Variants in MID2 observed in about 807,000 individuals in gnomAD.
The protein encoded by MID2 is probable E3 ubiquitin-protein ligase MID2.
Under a neutral mutation model 46.1 loss-of-function variants are expected in MID2, and 13 were observed. The observed-to-expected ratio is 0.28, with a 90% confidence interval of 0.18 to 0.45. MID2 has a LOEUF of 0.45. Among genes scored for constraint, MID2 ranks in the 20% least tolerant of loss-of-function variants. The pLI, the probability that MID2 is intolerant of heterozygous loss-of-function variation, is 1.00. For synonymous variants in MID2, 199 were observed against 212.3 expected, an observed-to-expected ratio of 0.94 and a Z score of 0.55; for missense variants, 431 against 575.4, an observed-to-expected ratio of 0.75 and a Z score of 2.57.
chrX:107,919,999 CA>C (rs1418014346), intron 7 of MID2, among the ~76,000 whole-genome samples: 1 of 112,312 alleles, frequency 8.9e-6, no homozygotes, highest in Non-Finnish European at 1.9e-5. Context: ...TGCTTACCCT[CA>C]CAGCCTGCCT....
chrX:107,853,188 G>A (rs7067117), intron 2 of MID2, among the ~76,000 whole-genome samples: 1,263 of 111,799 alleles, frequency 0.011, 19 homozygotes, highest in African/African-American at 0.039. Flanking sequence ...CTAGAATTCC[G>A]GCTACTGTTG....
At chrX:107,884,778 A>G (rs1000137205) in intron 3 of MID2, among the ~76,000 whole-genome samples, 13 of 112,224 alleles carry the variant, frequency 1.2e-4, no homozygotes, top group African/African-American at 4.2e-4. Context: ...TTTGGTTGTA[A>G]CTCTGTCATT....
At chrX:107,836,886 T>G (rs1277030063) in intron 1 of MID2, among the ~76,000 whole-genome samples, 2 of 112,177 alleles carry the variant, frequency 1.8e-5, no homozygotes, top group East Asian at 5.6e-4. Flanking sequence ...GTAACTATCT[T>G]AAAATATTCT....
chrX:107,905,351 C>A (rs1367604795), intron 4 of MID2, 127 bp from the exon 5 acceptor site: 3 of 541,839 alleles, frequency 5.5e-6, no homozygotes, highest in Non-Finnish European at 8.7e-6. Flanking sequence ...AGTACAGGGA[C>A]CATGGAATAT....
chrX:107,903,881 TG>T, intron 3 of MID2, 76 bp from the exon 4 acceptor site: 3 of 677,235 alleles, frequency 4.4e-6, no homozygotes, highest in Non-Finnish European at 7.2e-6. Flanking sequence ...CATGCTTAGC[TG>T]TCAGTCCGAA....
At chrX:107,908,502 C>T (rs1932855623) in intron 5 of MID2, among the ~76,000 whole-genome samples, 1 of 110,885 alleles carries the variant, frequency 9.0e-6, no homozygotes, top group South Asian at 3.8e-4. Flanking sequence ...GCTGTTAACC[C>T]CTCCAGTGTA....
rs1238659098 is a variant in MID2, at chrX:107,930,534, G to A, written c.*3461G>A. Reference sequence around the variant, plus strand: ...GGGAATTAAACTGGGTTTGGAGTAAGCAATGAAGTTTGACTCTGAAGTCCC... The same window carrying A: ...GGGAATTAAACTGGGTTTGGAGTAAACAATGAAGTTTGACTCTGAAGTCCC... On this transcript the variant is annotated 3_prime_UTR_variant, in exon 10 of 10. Transcript: ENST00000262843. Among the ~76,000 whole-genome samples the A allele has an allele frequency of 8.9e-6, 1 of 112,130 alleles. No individual in the cohort carries two copies. The highest frequency in any genetic ancestry group is 1.9e-5 in the Non-Finnish European group (1 of 53,164).
chrX:107,836,106 G>A (rs936873039), intron 1 of MID2, among the ~76,000 whole-genome samples: 2 of 112,207 alleles, frequency 1.8e-5, no homozygotes, highest in African/African-American at 6.5e-5. Context: ...AGCACCATTT[G>A]TTGAAAAGAG....
Position 107,928,712 on chromosome X carries a change from A to G in MID2, c.*1639A>G, listed in dbSNP as rs1274816652. On this transcript the variant is annotated 3_prime_UTR_variant, in exon 10 of 10. Coordinates refer to ENST00000262843, the MANE Select transcript of MID2 (RefSeq NM_012216.4). ...TAACAAAATGCTCTACCTGCTGCCAAATGGCTTACTATTCTGTGGAAGAAA... is the reference window on the plus strand; with the variant it reads ...TAACAAAATGCTCTACCTGCTGCCAGATGGCTTACTATTCTGTGGAAGAAA... Among the ~76,000 whole-genome samples the G allele has an allele frequency of 1.8e-5, 2 of 111,658 alleles. No individual in the cohort carries two copies. The highest frequency in any genetic ancestry group is 6.5e-5 in the African/African-American group (2 of 30,702).
At chrX:107,847,612 T>C (rs1170346363) in intron 2 of MID2, among the ~76,000 whole-genome samples, 6 of 111,836 alleles carry the variant, frequency 5.4e-5, no homozygotes, top group African/African-American at 2.0e-4. Context: ...TGGCAGTTTT[T>C]TGGGGATGCT....
At chrX:107,836,340 G>A (rs1338959219) in intron 1 of MID2, among the ~76,000 whole-genome samples, 1 of 109,729 alleles carries the variant, frequency 9.1e-6, no homozygotes, top group African/African-American at 3.3e-5. Context: ...AGCAACCTCC[G>A]CCTCCCGGGT....
chrX:107,886,610 A>G (rs955988056), intron 3 of MID2, among the ~76,000 whole-genome samples: 1 of 111,549 alleles, frequency 9.0e-6, no homozygotes, highest in East Asian at 2.8e-4. Context: ...GTGCAGGCTC[A>G]TTTTTGGTTT....
In MID2 at chrX:107,927,131, C is replaced by T. The variant is rs1933195933; in HGVS notation, c.*58C>T. ...TAGTTCAGCAGTTCTTCCCCTCCTA[C>T]ACCTAAGTTAGCGTTCAATATACGA... On this transcript the variant is annotated 3_prime_UTR_variant, in exon 10 of 10. Coordinates refer to ENST00000262843, the MANE Select transcript of MID2 (RefSeq NM_012216.4). 2.9e-6 allele frequency: 3 copies of T among 1,033,193 alleles called. No homozygotes were observed. In the Admixed American group the frequency reaches 8.7e-5, roughly 30 times the overall value. 85.1% of individuals were successfully genotyped at this position (1,033,193 alleles called of 1,213,427 possible).
rs141974804 is a variant in MID2 at position 107,904,132 on chromosome X, A to G, written c.924+67A>G. The G allele has an allele frequency of 3.3e-3, 2,493 of 759,192 alleles. 42 individuals carry two copies. The African/African-American group carries it at 0.044, about 13-fold the overall frequency. The allele number at this position is 759,192 out of a possible 1,213,427, so 62.6% of individuals were successfully genotyped here. On this transcript the variant is annotated intron_variant, in intron 4 of 9. Transcript: ENST00000262843. ...TTACAAATATCAAAGTTTGATCCAG[A>G]TGATTCTGGTTTGATCATGAAATCA...
Position 107,885,518 on chromosome X carries a change from T to A in MID2, c.817-18440T>A, listed in dbSNP as rs771004771. The stretch of plus-strand genomic sequence containing the variant: ...TGCCACATTTTTTTGATCCAGTCTA[T>A]TATTGTTGGACATTTGGGTTAGTTC... On this transcript the variant is annotated intron_variant, in intron 3 of 9. Coordinates refer to ENST00000262843, the MANE Select transcript of MID2 (RefSeq NM_012216.4). Among the ~76,000 whole-genome samples, 96 of 111,723 alleles carry A rather than the reference T, an allele frequency of 8.6e-4. 1 individual carries two copies. The highest frequency in any genetic ancestry group is 3.0e-3 in the African/African-American group (93 of 30,727).
At chrX:107,870,351 C>G (rs1569465392) in intron 3 of MID2, among the ~76,000 whole-genome samples, 1 of 108,559 alleles carries the variant, frequency 9.2e-6, no homozygotes, top group Non-Finnish European at 1.9e-5. Context: ...CATTTGAGAC[C>G]TTTTTGTCTT....
chrX:107,919,388 G>C (rs1346118647), intron 7 of MID2, among the ~76,000 whole-genome samples: 1 of 111,402 alleles, frequency 9.0e-6, no homozygotes, highest in East Asian at 2.8e-4. Context: ...GAGCCTGTCA[G>C]ACTTCAAGTT....
At chrX:107,890,821 G>T (rs906348240) in intron 3 of MID2, among the ~76,000 whole-genome samples, 5 of 111,361 alleles carry the variant, frequency 4.5e-5, no homozygotes, top group Admixed American at 2.9e-4. Flanking sequence ...GCAATGGTGG[G>T]TGCCCCTCCC....
chrX:107,920,374 G>T (rs900000938), intron 7 of MID2, among the ~76,000 whole-genome samples: 2 of 112,107 alleles, frequency 1.8e-5, no homozygotes, highest in African/African-American at 3.2e-5. Context: ...ATTATGCTGT[G>T]AGGTGAATGA....
Sources: allele counts gnomAD v4.1 joint callset (sites outside exome capture counted in the v4.1 genomes callset), GRCh38; gene constraint gnomAD v4.1.1; transcripts MANE v1.5; gene names NCBI Gene and HGNC (gene_info 2026-07-23, HGNC 2026-07-21).